Variants in SGCD observed in about 807,000 individuals in gnomAD.
SGCD encodes the protein sarcoglycan delta.
In SGCD, 18 loss-of-function variants were observed where a neutral mutation model predicts 36.6. The observed-to-expected ratio is 0.49, with a 90% CI of 0.34 to 0.73. The LOEUF (loss-of-function observed/expected upper bound fraction) is 0.73, where lower values mean the gene tolerates loss of function less well. SGCD is among the 30% of genes least tolerant of loss of function. The pLI, the probability that SGCD is intolerant of heterozygous loss-of-function variation, is 0.01. For missense variants in SGCD, 387 were observed against 346.7 expected (o/e 1.12, Z -0.92); for synonymous variants, 133 against 130.6 (o/e 1.02, Z -0.12).
At chr5:156,589,204 T>A in intron 4 of SGCD, 27 bp from the exon 5 acceptor site, 1 of 1,448,468 alleles carries the variant, frequency 6.9e-7, no homozygotes, top group Non-Finnish European at 9.5e-7. Context: ...ATCATTTTCA[T>A]GTCTTTCTCT....
chr5:155,872,787 T>C (rs565252764), intron 1 of SGCD, among the ~76,000 whole-genome samples: 2 of 152,302 alleles, frequency 1.3e-5, no homozygotes, highest in African/African-American at 4.8e-5. Flanking sequence ...AAAACATGAC[T>C]GGTCTGGTGT....
At chr5:156,406,809 TATATATATATACACACAC>T (rs1224348897) in intron 3 of SGCD, among the ~76,000 whole-genome samples, 6 of 102,050 alleles carry the variant, frequency 5.9e-5, no homozygotes, top group South Asian at 7.2e-4. Flanking sequence ...TATATATATA[TATATATATATACACACAC>T]ACACACACAC....
chr5:156,474,964 G>A (rs1008160779), intron 3 of SGCD, among the ~76,000 whole-genome samples: 1 of 152,174 alleles, frequency 6.6e-6, no homozygotes, highest in African/African-American at 2.4e-5. Context: ...TTGTTGTAAA[G>A]ACTAAATGAG....
chr5:156,014,408 A>G (rs1047066552), intron 1 of SGCD, among the ~76,000 whole-genome samples: 1 of 152,162 alleles, frequency 6.6e-6, no homozygotes, highest in South Asian at 2.1e-4. Flanking sequence ...AACATTTGCC[A>G]TATTTGCTTT....
chr5:156,063,421 T>A (rs1261648257), intron 1 of SGCD, among the ~76,000 whole-genome samples: 1 of 102,090 alleles, frequency 9.8e-6, no homozygotes. Context: ...ATGCGGGCTC[T>A]TTTTTGGTTC....
intron 1 of SGCD, among the ~76,000 whole-genome samples, chr5:155,917,008 T>C (rs1448520490): frequency 6.6e-6 from 1 of 152,160 alleles, no homozygotes; most frequent in South Asian, 2.1e-4. Flanking sequence ...TTTCTCCCTA[T>C]CTCGTTAAAA....
At chr5:155,765,502 T>G in the SGCD span, among the ~76,000 whole-genome samples, 1 of 151,948 alleles carries the variant, frequency 6.6e-6, no homozygotes, top group Non-Finnish European at 1.5e-5. Context: ...TGAAGCCATA[T>G]AGGCAATCTA....
At chr5:156,154,385 G>A (rs950233359) in intron 3 of SGCD, among the ~76,000 whole-genome samples, 10 of 151,666 alleles carry the variant, frequency 6.6e-5, no homozygotes, top group Admixed American at 2.0e-4. Context: ...ACTAAGTGTT[G>A]TCTGTGGACT....
intron 3 of SGCD, among the ~76,000 whole-genome samples, chr5:156,264,899 G>A (rs1474408062): frequency 6.6e-6 from 1 of 152,132 alleles, no homozygotes; most frequent in African/African-American, 2.4e-5. Flanking sequence ...GAATGAAGGA[G>A]TGAATTCTTC....
At chr5:156,444,940 G>C (rs908571788) in intron 3 of SGCD, among the ~76,000 whole-genome samples, 9 of 152,158 alleles carry the variant, frequency 5.9e-5, no homozygotes, top group African/African-American at 1.9e-4. Context: ...GCATATTAAA[G>C]ATTAAATTGC....
rs150600301 is a variant in SGCD, at chr5:156,244,099, C to T, written c.-43-85435C>T. On this transcript the variant is annotated intron_variant, in intron 3 of 9. Transcript: ENST00000517913. ...TGTGATGAATCAAAATTGTGTGCTA[C>T]CTGGTAAAATGCAGTAAGAAGAGCA... 1.6e-4 allele frequency among the ~76,000 whole-genome samples: 24 copies of T among 152,236 alleles called. 1 individual carries two copies. In the East Asian group the frequency reaches 4.4e-3, roughly 28 times the overall value.
chr5:155,821,284 C>A, the SGCD span, among the ~76,000 whole-genome samples: 1 of 151,990 alleles, frequency 6.6e-6, no homozygotes. Context: ...AAGGTAAAGA[C>A]TTATGTACAA....
At chr5:156,074,322 C>T (rs1760698492) in intron 1 of SGCD, among the ~76,000 whole-genome samples, 1 of 151,934 alleles carries the variant, frequency 6.6e-6, no homozygotes, top group Non-Finnish European at 1.5e-5. Flanking sequence ...TGATCATAAT[C>T]CCAAAAGACA....
intron 1 of SGCD, among the ~76,000 whole-genome samples, chr5:156,061,930 T>TA (rs1277152876): frequency 8.1e-6 from 1 of 123,004 alleles, no homozygotes; most frequent in African/African-American, 3.7e-5. Context: ...TTTTTTTTTT[T>TA]TTTTTTTTTT....
intron 4 of SGCD, among the ~76,000 whole-genome samples, chr5:156,542,168 G>A (rs1396911039): frequency 6.6e-6 from 1 of 152,082 alleles, no homozygotes; most frequent in African/African-American, 2.4e-5. Flanking sequence ...TATTGAAACA[G>A]TGGAGAGGGG....
At position 156,738,041 on chromosome 5, in the gene SGCD, CT is replaced by C. The variant is rs1350245386; in HGVS notation, c.576-19539del. ...TTTGTGAATGTATTACTTTTAATTG[CT>C]AATTAAAATAATCAACAGCCTAGCT... On this transcript the variant is annotated intron_variant, in intron 7 of 8. Coordinates refer to ENST00000337851, the MANE Select transcript of SGCD (RefSeq NM_000337.6). Among the ~76,000 whole-genome samples, 76 of 152,222 alleles carry C rather than the reference CT, an allele frequency of 5.0e-4. 2 individuals are homozygous for C. Among genetic ancestry groups the C allele is most frequent in the African/African-American group, 1.8e-3 (73 of 41,530 alleles).
At chr5:156,403,482 C>G (rs1294362081) in intron 3 of SGCD, among the ~76,000 whole-genome samples, 1 of 152,172 alleles carries the variant, frequency 6.6e-6, no homozygotes, top group Non-Finnish European at 1.5e-5. Context: ...TGTTTTCTGA[C>G]TCGCCGAGAT....
intron 1 of SGCD, among the ~76,000 whole-genome samples, chr5:156,037,294 G>A (rs922161350): frequency 5.9e-5 from 9 of 152,204 alleles, no homozygotes; most frequent in African/African-American, 2.2e-4. Flanking sequence ...AGTGGCATGT[G>A]CAAAGGCCCT....
chr5:156,746,386 C>T (rs934892536), intron 7 of SGCD, among the ~76,000 whole-genome samples: 1 of 152,102 alleles, frequency 6.6e-6, no homozygotes, highest in African/African-American at 2.4e-5. Context: ...ATCAAGGATT[C>T]TTTTGATATT....
Sources: gnomAD v4.1 joint callset for allele counts (sites outside exome capture counted in the v4.1 genomes callset) on GRCh38, gnomAD v4.1.1 for gene constraint, MANE v1.5 for transcripts, NCBI Gene and HGNC (gene_info 2026-07-23, HGNC 2026-07-21) for gene names.